OAS3: variants seen among roughly 807,000 people sequenced by gnomAD.
OAS3 encodes the protein 2'-5'-oligoadenylate synthase 3.
Under a neutral mutation model 113.0 loss-of-function variants are expected in OAS3, and 107 were observed. That is an observed-to-expected ratio of 0.95 (90% confidence interval 0.81 to 1.11). The LOEUF (loss-of-function observed/expected upper bound fraction) is 1.11. OAS3 is among the 50% of genes most tolerant of loss of function. The pLI, the probability that OAS3 is intolerant of heterozygous loss-of-function variation, is 0.00. For synonymous variants in OAS3, 552 were observed against 573.6 expected (o/e 0.96, Z 0.54); for missense variants, 1,258 against 1,389.1 (o/e 0.91, Z 1.50).
In OAS3 at chr12:112,950,761, C is replaced by A; in HGVS notation, c.1443C>A (p.Asn481Lys). Residue 481 changes from asparagine to lysine, a missense_variant, in exon 7 of 16, where the codon AAC (asparagine) becomes AAA (lysine). Asn to Lys is a moderately conservative substitution (Grantham distance 94). Coordinates refer to ENST00000228928, the MANE Select transcript of OAS3 (RefSeq NM_006187.4). Reference protein sequence around the residue: ...GCDVELIIFLNCFTDYKDQGP... With the variant: ...GCDVELIIFLKCFTDYKDQGP... Reference sequence around the variant, plus strand: ...ATGTTGAACTCATCATCTTCCTCAACTGCTTCACGGACTACAAGGACCAGG... The same window carrying A: ...ATGTTGAACTCATCATCTTCCTCAAATGCTTCACGGACTACAAGGACCAGG... The A allele has an allele frequency of 3.1e-6, 5 of 1,614,040 alleles. No homozygotes were observed. The highest frequency in any genetic ancestry group is 1.6e-4 in the Middle Eastern group (1 of 6,062).
At chr12:112,960,117 TG>T (rs1380725770) in intron 7 of OAS3, among the ~76,000 whole-genome samples, 1 of 152,134 alleles carries the variant, frequency 6.6e-6, no homozygotes, top group African/African-American at 2.4e-5. Context: ...GCTTTTCCTG[TG>T]GAAGTTCCTT....
In OAS3 at chr12:112,954,199, C is replaced by G. The variant is rs1399196732; in HGVS notation, c.1657+3224C>G. ...AAGGAAAGGATACAGTTTCAGCTTT[C>G]TAGATATGGCTAGCCAGTTTTCCCA... On this transcript the variant is annotated intron_variant, in intron 7 of 15. Transcript: ENST00000228928. The surrounding 1 kb of genome is among the most constrained non-coding windows in gnomAD (Gnocchi z 4.0). 1.3e-5 allele frequency among the ~76,000 whole-genome samples: 2 copies of G among 152,220 alleles called. No homozygotes were observed. The highest frequency in any genetic ancestry group is 6.5e-5 in the Admixed American group (1 of 15,278).
intron 15 of OAS3, 71 bp from the exon 16 acceptor site, chr12:112,969,891 C>A: frequency 6.3e-7 from 1 of 1,593,108 alleles, no homozygotes; most frequent in South Asian, 1.1e-5. Context: ...TCCATTTTCC[C>A]ATCCGGCTGT....
At chr12:112,956,593 T>C (rs1462711411) in intron 7 of OAS3, among the ~76,000 whole-genome samples, 1 of 152,262 alleles carries the variant, frequency 6.6e-6, no homozygotes, top group Non-Finnish European at 1.5e-5. Flanking sequence ...TTTAGTTATG[T>C]ACCAAGTAGT....
chr12:112,964,462 C>G (rs1021944166), intron 11 of OAS3, 54 bp downstream of exon 11: 34 of 1,556,296 alleles, frequency 2.2e-5, no homozygotes, highest in Non-Finnish European at 2.9e-5. Flanking sequence ...GGTGATCTCT[C>G]CCAGCCCAGG....
In OAS3 at chr12:112,964,249, C is replaced by G. The variant is rs2043913907; in HGVS notation, c.2244C>G (p.Tyr748Ter). 2.5e-6 allele frequency: 4 copies of G among 1,592,806 alleles called. No individual in the cohort carries two copies. The highest frequency in any genetic ancestry group is 3.4e-6 in the Non-Finnish European group (4 of 1,169,202). Reference protein sequence around the residue: ...QPWDVMPALLYQTPAGDLDKF... With the variant: ...QPWDVMPALL Reference sequence around the variant, plus strand: ...TCTCTCTGCAGCCAGCCCTCCTTTACCAAACCCCAGCTGGGGACCTTGACA... The same window carrying G: ...TCTCTCTGCAGCCAGCCCTCCTTTAGCAAACCCCAGCTGGGGACCTTGACA... Residue 748 changes from tyrosine (Y) to a stop codon, truncating the protein, a stop_gained, in exon 11 of 16, where the codon TAC becomes TAG. Transcript: ENST00000228928. LOFTEE classifies it high-confidence loss of function.
At position 112,946,996 on chromosome 12, in the gene OAS3, C is replaced by T. The variant is rs1222616569; in HGVS notation, c.875+15C>T. On this transcript the variant is annotated intron_variant, in intron 4 of 15. Transcript: ENST00000228928. ...AAGAGACCCAGGTACTTCCTAATAG[C>T]CCACCATCTGCTCTCCTGTCCCGGG... 1 of 1,599,810 alleles carries T rather than the reference C, an allele frequency of 6.3e-7. No homozygotes were observed. The highest frequency in any genetic ancestry group is 8.6e-7 in the Non-Finnish European group (1 of 1,167,282).
chr12:112,948,744 C>T (rs2043757515), intron 5 of OAS3, 117 bp from the exon 6 acceptor site: 1 of 798,966 alleles, frequency 1.3e-6, no homozygotes, highest in Non-Finnish European at 2.0e-6. Flanking sequence ...CCCACTTCCC[C>T]TCTCTGAGCC....
In OAS3 at chr12:112,962,862, G is replaced by T. The variant is rs982630709; in HGVS notation, c.2044G>T (p.Ala682Ser). The change falls in exon 9 of 16, where the codon GCC becomes TCC. Residue 682 changes from alanine (A) to serine (S), a missense_variant. Physicochemically the swap from Ala to Ser is moderately conservative, Grantham distance 99 (BLOSUM62 1). Transcript: ENST00000228928. ...GGTCAACTATAGCACTGAGGACCCA[G>T]CCATGAGAATGCACCTTCTTGGCCA... ...WTVNYSTEDP[A>S]MRMHLLGQLR... The T allele has an allele frequency of 6.2e-7, 1 of 1,613,952 alleles. No individual in the cohort carries two copies. The highest frequency in any genetic ancestry group is 8.5e-7 in the Non-Finnish European group (1 of 1,179,870).
At chr12:112,948,267 G>T (rs146943737) in intron 5 of OAS3, among the ~76,000 whole-genome samples, 168 bp downstream of exon 5, 13 of 152,226 alleles carry the variant, frequency 8.5e-5, no homozygotes, top group African/African-American at 3.1e-4. Context: ...AGGCCGAGGT[G>T]GGCAGATTAC....
chr12:112,969,891 C>T, intron 15 of OAS3, 71 bp from the exon 16 acceptor site: 1 of 1,593,112 alleles, frequency 6.3e-7, no homozygotes, highest in African/African-American at 1.3e-5. Flanking sequence ...TCCATTTTCC[C>T]ATCCGGCTGT....
chr12:112,964,998 G>T (rs1177253356), intron 11 of OAS3, among the ~76,000 whole-genome samples: 1 of 152,218 alleles, frequency 6.6e-6, no homozygotes, highest in African/African-American at 2.4e-5. Flanking sequence ...CATGGGCTGA[G>T]TGTGGGGTAG....
chr12:112,942,628 G>A (rs963761179), intron 2 of OAS3, among the ~76,000 whole-genome samples: 5 of 151,708 alleles, frequency 3.3e-5, no homozygotes, highest in African/African-American at 1.2e-4. Context: ...TGAGGTGGGA[G>A]GATTGTTTGA....
At chr12:112,965,345 T>C (rs2043923946) in intron 11 of OAS3, among the ~76,000 whole-genome samples, 1 of 152,166 alleles carries the variant, frequency 6.6e-6, no homozygotes, top group South Asian at 2.1e-4. Context: ...TTTAAAAATA[T>C]GCTGATGCCC....
chr12:112,963,752 G>A lies in OAS3; in HGVS notation c.2229+295G>A, dbSNP rs1393887001. ...TGGAATCAGGCAAACACTTGTCTCCGGCTGAGCACCCAGCTTTGCTGAGCC... is the reference window on the plus strand; with the variant it reads ...TGGAATCAGGCAAACACTTGTCTCCAGCTGAGCACCCAGCTTTGCTGAGCC... On this transcript the variant is annotated intron_variant, in intron 10 of 15. Transcript: ENST00000228928. The surrounding 1 kb of genome is among the most constrained non-coding windows in gnomAD (Gnocchi z 4.6). 2.0e-5 allele frequency among the ~76,000 whole-genome samples: 3 copies of A among 152,150 alleles called. No individual in the cohort carries two copies. The highest frequency in any genetic ancestry group is 6.5e-5 in the Admixed American group (1 of 15,268).
rs2043982040 is a variant in OAS3 at position 112,971,302 on chromosome 12, G to T, written c.*1329G>T. ...ACTGCCCCACATGGACAAAACTGGA[G>T]TCGAGACCTAGGTTAGATTCCTGCA... On this transcript the variant is annotated 3_prime_UTR_variant, in exon 16 of 16. Transcript: ENST00000228928. 6.5e-6 allele frequency: 1 copy of T among 153,122 alleles called. No homozygotes were observed. Among genetic ancestry groups the T allele is most frequent in the East Asian group, 1.9e-4 (1 of 5,258 alleles). The allele number at this position is 153,122 out of a possible 1,614,324, so 9.5% of individuals were successfully genotyped here. A position where few individuals can be genotyped will look rare whatever the true frequency, so the allele number is the denominator to read the frequency against.
intron 7 of OAS3, among the ~76,000 whole-genome samples, chr12:112,957,838 A>G (rs1266218377): frequency 6.6e-6 from 1 of 152,108 alleles, no homozygotes; most frequent in Non-Finnish European, 1.5e-5. Context: ...CTCGAGGAGT[A>G]TCTTTGTGGT....
intron 7 of OAS3, among the ~76,000 whole-genome samples, chr12:112,951,838 A>G (rs144398291): frequency 1.6e-5 from 1 of 64,046 alleles, no homozygotes; most frequent in African/African-American, 9.2e-5. Context: ...CACTAAAAAT[A>G]CAAAAAAAAA....
intron 1 of OAS3, among the ~76,000 whole-genome samples, chr12:112,939,290 C>T (rs2043658386): frequency 7.1e-6 from 1 of 141,026 alleles, no homozygotes; most frequent in Non-Finnish European, 1.5e-5. Flanking sequence ...CGCTAAATTA[C>T]TACTCTGAGT....
Sources: gnomAD v4.1 joint callset for allele counts (sites outside exome capture counted in the v4.1 genomes callset) on GRCh38, gnomAD v4.1.1 for gene constraint, Gnocchi (gnomAD v3.1) non-coding constraint, MANE v1.5 for transcripts, NCBI Gene and HGNC (gene_info 2026-07-23, HGNC 2026-07-21) for gene names.